Variants in CABIN1 observed in about 807,000 individuals in gnomAD.
CABIN1 encodes calcineurin-binding protein cabin-1.
In CABIN1, 133 loss-of-function variants were observed where a neutral mutation model predicts 227.7. The observed-to-expected ratio is 0.58, with a 90% CI of 0.51 to 0.67. The LOEUF is 0.67. Among genes scored for constraint, CABIN1 ranks in the 30% least tolerant of loss-of-function variants. The pLI, the probability that CABIN1 is intolerant of heterozygous loss-of-function variation, is 0.00. For missense variants in CABIN1, 2,408 were observed against 2,852.5 expected, an observed-to-expected ratio of 0.84 and a Z score of 3.55; for synonymous variants, 1,086 against 1,155.1, an observed-to-expected ratio of 0.94 and a Z score of 1.21.
In CABIN1 at chr22:24,035,470, G is replaced by T; in HGVS notation, c.-48G>T. 1 of 1,613,830 alleles carries T rather than the reference G, an allele frequency of 6.2e-7. No homozygotes were observed. Among genetic ancestry groups the T allele is most frequent in the South Asian group, 1.1e-5 (1 of 91,080 alleles). On this transcript the variant is annotated 5_prime_UTR_variant, in exon 2 of 37. Coordinates refer to ENST00000263119, the MANE Select transcript of CABIN1 (RefSeq NM_012295.4). ...AGAGTTGTGGACTGGGGCAACCTTTGCCAGTGATGAGAAGTGATGCTCGTG... is the reference window on the plus strand; with the variant it reads ...AGAGTTGTGGACTGGGGCAACCTTTTCCAGTGATGAGAAGTGATGCTCGTG...
intron 31 of CABIN1, 95 bp from the exon 32 acceptor site, chr22:24,166,544 G>T: frequency 6.8e-7 from 1 of 1,473,892 alleles, no homozygotes; most frequent in Non-Finnish European, 9.5e-7. Flanking sequence ...GATGTCAGGT[G>T]GGAGAGGCCC....
chr22:24,060,227 G>GTGT, intron 12 of CABIN1, 86 bp downstream of exon 12: 1 of 1,284,956 alleles, frequency 7.8e-7, no homozygotes, highest in East Asian at 2.5e-5. Context: ...GGCTGCTGTT[G>GTGT]TGTTTGGCTG....
intron 1 of CABIN1, among the ~76,000 whole-genome samples, chr22:24,018,541 A>G (rs1246423094): frequency 5.9e-5 from 9 of 152,244 alleles, no homozygotes. Flanking sequence ...AGTATTTAAT[A>G]CAAAGTTCAT....
In CABIN1 at chr22:24,071,555, C is replaced by T. The variant is rs554221649; in HGVS notation, c.2475+513C>T. Reference sequence around the variant, plus strand: ...GTCCTGCCAAATCTATATCCTCACCCCTCCAGCCTTTGTTTCTCCCTCTGT... The same window carrying T: ...GTCCTGCCAAATCTATATCCTCACCTCTCCAGCCTTTGTTTCTCCCTCTGT... On this transcript the variant is annotated intron_variant, in intron 17 of 36. Transcript: ENST00000263119. 9.1e-4 allele frequency among the ~76,000 whole-genome samples: 138 copies of T among 152,282 alleles called. 1 individual carries two copies. In the South Asian group the frequency reaches 0.028, roughly 31 times the overall value.
At chr22:24,024,112 C>A (rs2035914874) in intron 1 of CABIN1, among the ~76,000 whole-genome samples, 1 of 151,976 alleles carries the variant, frequency 6.6e-6, no homozygotes, top group Non-Finnish European at 1.5e-5. Context: ...GGATATTAAT[C>A]TCTTATTAGG....
At chr22:24,086,784 T>C (rs769837857) in intron 22 of CABIN1, among the ~76,000 whole-genome samples, 2 of 152,226 alleles carry the variant, frequency 1.3e-5, no homozygotes, top group Non-Finnish European at 2.9e-5. Context: ...TATCAGTTTC[T>C]TTCGGGTGGT....
At chr22:24,142,897 A>G (rs1163653894) in intron 29 of CABIN1, among the ~76,000 whole-genome samples, 1 of 152,096 alleles carries the variant, frequency 6.6e-6, no homozygotes, top group Admixed American at 6.5e-5. Context: ...AGTCAGTCCC[A>G]TATCACCTTC....
At position 24,134,383 on chromosome 22, in the gene CABIN1, T is replaced by C. The variant is rs1427585085; in HGVS notation, c.4714T>C (p.Phe1572Leu). 1 of 1,614,030 alleles carries C rather than the reference T, an allele frequency of 6.2e-7. No individual in the cohort carries two copies. Among genetic ancestry groups the C allele is most frequent in the Non-Finnish European group, 8.5e-7 (1 of 1,179,994 alleles). Reference sequence around the variant, plus strand: ...GCAGCACATGCCGGCACAGGGGCTCTTCTGCGAGAGGAACAAGACCAATTT... The same window carrying C: ...GCAGCACATGCCGGCACAGGGGCTCCTCTGCGAGAGGAACAAGACCAATTT... ...QLQHMPAQGL[F>L]CERNKTNFFN... is the part of the protein sequence containing the mutation. The change falls in exon 29 of 37, where the codon TTC (phenylalanine) becomes CTC (leucine). Residue 1572 changes from phenylalanine to leucine, a missense_variant. This residue lies in a region of CABIN1 where 649 missense variants were observed against 910.3 expected (regional missense o/e 0.71). Coordinates refer to ENST00000263119, the MANE Select transcript of CABIN1 (RefSeq NM_012295.4).
At chr22:24,092,821 A>G (rs1349795529) in intron 24 of CABIN1, among the ~76,000 whole-genome samples, 2 of 151,818 alleles carry the variant, frequency 1.3e-5, no homozygotes, top group Admixed American at 6.6e-5. Flanking sequence ...AGAGTTTGCT[A>G]TGTCCCTGTA....
In CABIN1 at chr22:24,177,672, A is replaced by G; in HGVS notation, c.6374A>G (p.Lys2125Arg). The G allele has an allele frequency of 6.2e-7, 1 of 1,613,786 alleles. No individual in the cohort carries two copies. Among genetic ancestry groups the G allele is most frequent in the East Asian group, 2.2e-5 (1 of 44,864 alleles). ...GGCAAGCCTGAGCCCAGCCGGGCTA[A>G]GTCCCGCCCCCTGCCCAACATGCCA... is the stretch of plus-strand genomic sequence containing the variant. The part of the protein sequence containing the change: ...HPGKPEPSRA[K>R]SRPLPNMPKL... Residue 2125 changes from lysine to arginine, a missense_variant, in exon 36 of 37, where the codon AAG (lysine) becomes AGG (arginine). Physicochemically the swap from Lys to Arg is conservative, Grantham distance 26. Around this residue, in one of 3 missense-constraint regions of CABIN1, gnomAD observed 714 missense variants for 773.8 expected, o/e 0.92. Coordinates refer to ENST00000263119, the MANE Select transcript of CABIN1 (RefSeq NM_012295.4). The surrounding 1 kb of genome is among the most constrained non-coding windows in gnomAD (Gnocchi z 4.4).
intron 19 of CABIN1, among the ~76,000 whole-genome samples, chr22:24,077,918 T>C (rs1329297524): frequency 1.3e-5 from 2 of 152,216 alleles, no homozygotes; most frequent in Non-Finnish European, 2.9e-5. Context: ...GCTGCTGATA[T>C]CTGCTAATGA....
Position 24,177,718 on chromosome 22 carries a change from C to A in CABIN1, c.6420C>A (p.Ala2140=), listed in dbSNP as rs1157279550. The part of the protein sequence containing the change: ...PNMPKLVIPS[A]ATKFPPEITV... ...TGCCAAAGCTGGTCATCCCCTCCGC[C>A]GCCACCAAGTTCCCCCCTGAGATCA... The change falls in exon 36 of 37, where the codon GCC becomes GCA. Residue 2140 remains alanine, a synonymous_variant. Coordinates refer to ENST00000263119, the MANE Select transcript of CABIN1 (RefSeq NM_012295.4). The surrounding 1 kb of genome is among the most constrained non-coding windows in gnomAD (Gnocchi z 4.4). 1 of 1,613,052 alleles carries A rather than the reference C, an allele frequency of 6.2e-7. No individual in the cohort carries two copies. The highest frequency in any genetic ancestry group is 2.2e-5 in the East Asian group (1 of 44,850).
chr22:24,056,145 T>A (rs1249190702), intron 9 of CABIN1, 47 bp from the exon 10 acceptor site: 1 of 1,562,252 alleles, frequency 6.4e-7, no homozygotes. Flanking sequence ...GTGCATTTTT[T>A]TCATCCCTGC....
In CABIN1 at chr22:24,166,872, G is replaced by A; in HGVS notation, c.5241G>A (p.Arg1747=). 1 of 1,611,748 alleles carries A rather than the reference G, an allele frequency of 6.2e-7. No homozygotes were observed. The highest frequency in any genetic ancestry group is 8.5e-7 in the Non-Finnish European group (1 of 1,179,358). Residue 1747 remains arginine, a synonymous_variant, in exon 32 of 37, where the codon CGG becomes CGA. Transcript: ENST00000263119. ...ACAGTGCAGACCAAAGCGGGGAGCGGAAGGATAAAGAGAGCCCACGGGCAG... is the reference window on the plus strand; with the variant it reads ...ACAGTGCAGACCAAAGCGGGGAGCGAAAGGATAAAGAGAGCCCACGGGCAG... ...AGDSADQSGE[R]KDKESPRAGP... is the part of the protein sequence containing the mutation.
At chr22:24,098,426 G>A in intron 26 of CABIN1, 1 of 780,118 alleles carries the variant, frequency 1.3e-6, no homozygotes. Context: ...CCAGGGGAGG[G>A]GGCAGGCCAG....
intron 26 of CABIN1, among the ~76,000 whole-genome samples, chr22:24,112,352 C>G (rs1049946368): frequency 6.6e-6 from 1 of 152,114 alleles, no homozygotes; most frequent in African/African-American, 2.4e-5. Context: ...CCTTTAGTGC[C>G]CCAGTGGTGC....
rs1451779639 is a variant in CABIN1 at position 24,042,840 on chromosome 22, G to C, written c.346-64G>C. On this transcript the variant is annotated intron_variant, in intron 5 of 36. Coordinates refer to ENST00000263119, the MANE Select transcript of CABIN1 (RefSeq NM_012295.4). ...TGACTGTGTGTGTGTGTGTGTGTGT[G>C]TGTGTGTGTGTGTGTGTGTGTGTGT... is the stretch of plus-strand genomic sequence containing the variant. The C allele has an allele frequency of 1.5e-5, 11 of 722,296 alleles. No individual in the cohort carries two copies. In the East Asian group the frequency reaches 2.3e-4, roughly 15 times the overall value. 44.7% of individuals were successfully genotyped at this position (722,296 alleles called of 1,614,324 possible).
intron 29 of CABIN1, among the ~76,000 whole-genome samples, chr22:24,138,349 C>T (rs2044543826): frequency 6.6e-6 from 1 of 152,208 alleles, no homozygotes; most frequent in Admixed American, 6.5e-5. Flanking sequence ...GGACTACAGA[C>T]ATGCACCACC....
chr22:24,127,268 C>T (rs1467205427), intron 28 of CABIN1, among the ~76,000 whole-genome samples: 1 of 152,160 alleles, frequency 6.6e-6, no homozygotes, highest in East Asian at 1.9e-4. Context: ...TACCCTGGAC[C>T]AGCCGCGGTG....
Sources: gnomAD v4.1 joint callset for allele counts (sites outside exome capture counted in the v4.1 genomes callset) on GRCh38, gnomAD v4.1.1 for gene constraint, gnomAD v4.1.1 regional missense constraint, Gnocchi (gnomAD v3.1) non-coding constraint, MANE v1.5 for transcripts, NCBI Gene and HGNC (gene_info 2026-07-23, HGNC 2026-07-21) for gene names.